SYT14: variants seen among roughly 807,000 people sequenced by gnomAD.
SYT14 encodes synaptotagmin-14.
Under a neutral mutation model 74.2 loss-of-function variants are expected in SYT14, and 32 were observed. The ratio of observed to expected loss-of-function variants is 0.43; its 90% CI spans 0.33 to 0.58. The LOEUF is 0.58. Ranked by LOEUF, SYT14 falls within the 20% of genes least tolerant of loss-of-function variation. The probability of loss-of-function intolerance (pLI) is 0.05; values close to 1 mark genes in which losing one functional copy is unlikely to be tolerated. For missense variants in SYT14, 791 were observed against 981.8 expected, an observed-to-expected ratio of 0.81 and a Z score of 2.60; for synonymous variants, 298 against 337.7, an observed-to-expected ratio of 0.88 and a Z score of 1.29.
chr1:210,132,110 C>T (rs560007860), intron 7 of SYT14, among the ~76,000 whole-genome samples: 14 of 152,168 alleles, frequency 9.2e-5, no homozygotes, highest in East Asian at 1.9e-4. Context: ...TCTGGCAGCC[C>T]ATTCTGTGTT....
intron 7 of SYT14, among the ~76,000 whole-genome samples, chr1:210,111,474 T>G (rs2082260779): frequency 6.6e-6 from 1 of 151,198 alleles, no homozygotes; most frequent in African/African-American, 2.5e-5. Context: ...ATAAGAAAAA[T>G]AAAACAAAAT....
intron 1 of SYT14, among the ~76,000 whole-genome samples, chr1:209,950,549 TGTTTCTTC>T (rs1392261275): frequency 6.6e-6 from 1 of 152,176 alleles, no homozygotes; most frequent in Non-Finnish European, 1.5e-5. Context: ...TTAAGTTAGG[TGTTTCTTC>T]TTGCAAAGCC....
chr1:209,953,867 AAATTTAGGATTGTGATTCTCATGCTAT>A lies in SYT14; in HGVS notation c.-486+1114_-486+1140del, dbSNP rs2078951386. 5.9e-5 allele frequency among the ~76,000 whole-genome samples: 9 copies of A among 152,298 alleles called. No individual in the cohort carries two copies. In the South Asian group the frequency reaches 1.9e-3, roughly 32 times the overall value. ...ATTGAAGTCAGTTTCATGAAATCTCAAATTTAGGATTGTGATTCTCATGCTATAACTATTGTTGATTTGTGCTTCTTA... is the reference window on the plus strand; with the variant it reads ...ATTGAAGTCAGTTTCATGAAATCTCAAACTATTGTTGATTTGTGCTTCTTA... On this transcript the variant is annotated intron_variant, in intron 2 of 9. Transcript: ENST00000637265.
intron 1 of SYT14, among the ~76,000 whole-genome samples, chr1:209,949,215 A>G (rs2078870861): frequency 6.6e-6 from 1 of 152,178 alleles, no homozygotes. Context: ...AAAAATTTAC[A>G]TTTAACCTGG....
At chr1:210,059,427 AATATATATAT>A (rs374307953) in intron 5 of SYT14, among the ~76,000 whole-genome samples, 44 of 80,030 alleles carry the variant, frequency 5.5e-4, no homozygotes, top group Middle Eastern at 0.014. Flanking sequence ...GACAAGAAAG[AATATATATAT>A]ATATATATAT....
chr1:210,081,627 T>C (rs2081617635), intron 5 of SYT14, among the ~76,000 whole-genome samples: 1 of 152,326 alleles, frequency 6.6e-6, no homozygotes, highest in East Asian at 1.9e-4. Flanking sequence ...GTGTAACTGC[T>C]GTATCTTTGA....
intron 7 of SYT14, among the ~76,000 whole-genome samples, chr1:210,116,664 A>G (rs2082367457): frequency 6.6e-6 from 1 of 152,162 alleles, no homozygotes; most frequent in Non-Finnish European, 1.5e-5. Flanking sequence ...ATTGTTTTAT[A>G]TCTTAATCTA....
intron 5 of SYT14, among the ~76,000 whole-genome samples, chr1:210,076,508 C>T (rs545820074): frequency 6.6e-6 from 1 of 152,186 alleles, no homozygotes; most frequent in Non-Finnish European, 1.5e-5. Context: ...CCTCGCCTTT[C>T]ATATAAATGG....
chr1:210,048,649 C>G (rs1320232439), intron 5 of SYT14, among the ~76,000 whole-genome samples: 3 of 152,172 alleles, frequency 2.0e-5, no homozygotes, highest in Non-Finnish European at 4.4e-5. Flanking sequence ...CATAGCCAAA[C>G]CACGTCATTT....
intron 5 of SYT14, among the ~76,000 whole-genome samples, chr1:210,059,917 C>T (rs920390713): frequency 1.3e-5 from 2 of 152,082 alleles, no homozygotes; most frequent in African/African-American, 4.8e-5. Context: ...AGTTTATCTA[C>T]AGTGGGTGGA....
chr1:210,013,666 T>C (rs1200109288), exon 3 of SYT14: 9 of 1,613,084 alleles, frequency 5.6e-6, no homozygotes, highest in Middle Eastern at 3.6e-4. Context: ...TTGTCAGCTG[T>C]TGGGGTGTTT....
chr1:210,080,850 G>A (rs946227707), intron 5 of SYT14, among the ~76,000 whole-genome samples: 1 of 152,210 alleles, frequency 6.6e-6, no homozygotes, highest in African/African-American at 2.4e-5. Flanking sequence ...TGTGTTTGGG[G>A]AGAGCGTGGT....
intron 5 of SYT14, among the ~76,000 whole-genome samples, chr1:210,038,903 A>G (rs980457100): frequency 6.6e-6 from 1 of 151,934 alleles, no homozygotes; most frequent in African/African-American, 2.4e-5. Flanking sequence ...AGTCCTTGCA[A>G]TGTATTTTCT....
At chr1:210,159,598 C>G in intron 9 of SYT14, 121 bp downstream of exon 8, 1 of 819,492 alleles carries the variant, frequency 1.2e-6, no homozygotes, top group Non-Finnish European at 2.1e-6. Context: ...CATTTATTAT[C>G]TGTGGTACTT....
chr1:209,949,317 G>A (rs923925172), intron 1 of SYT14, among the ~76,000 whole-genome samples: 14 of 152,158 alleles, frequency 9.2e-5, no homozygotes, highest in Non-Finnish European at 1.9e-4. Context: ...GCTCATGCCT[G>A]TAATCCTAGC....
intron 2 of SYT14, among the ~76,000 whole-genome samples, chr1:209,981,478 A>C (rs1214864025): frequency 1.0e-5 from 1 of 97,434 alleles, no homozygotes; most frequent in African/African-American, 4.0e-5. Flanking sequence ...TTGAGGCAGG[A>C]TCTCACTCTG....
Position 209,959,550 on chromosome 1 carries a change from TC to T in SYT14, c.-486+6796del, listed in dbSNP as rs765830886. ...TATTGACACAGTGGAATATTATTCA[TC>T]CACCAGAATAAATGAATTATTGATA... On this transcript the variant is annotated intron_variant, in intron 2 of 9. Coordinates refer to ENST00000637265, the Ensembl canonical transcript of SYT14. Among the ~76,000 whole-genome samples, 16 of 152,266 alleles carry T rather than the reference TC, an allele frequency of 1.1e-4. No homozygotes were observed. In the South Asian group the frequency reaches 3.3e-3, roughly 32 times the overall value.
intron 1 of SYT14, among the ~76,000 whole-genome samples, chr1:209,946,946 A>G (rs1444634277): frequency 6.6e-6 from 1 of 152,216 alleles, no homozygotes; most frequent in African/African-American, 2.4e-5. Context: ...TAAGGATGCT[A>G]AATGTGCTCT....
exon 5 of SYT14, chr1:210,021,208 A>G (rs192907994): frequency 1.1e-5 from 17 of 1,613,950 alleles, no homozygotes; most frequent in Middle Eastern, 1.6e-4. Context: ...ACAGTCCTCT[A>G]TCGGCAGAGT....
Sources: allele counts gnomAD v4.1 joint callset (sites outside exome capture counted in the v4.1 genomes callset), GRCh38; gene constraint gnomAD v4.1.1; transcripts MANE v1.5; gene names NCBI Gene and HGNC (gene_info 2026-07-23, HGNC 2026-07-21).